Variants in RHOA observed in about 807,000 individuals in gnomAD.
RHOA encodes the protein ras homolog family member A.
Under a neutral mutation model 17.5 loss-of-function variants are expected in RHOA, and 3 were observed. The observed-to-expected ratio is 0.17, with a 90% CI of 0.08 to 0.44. RHOA has a LOEUF of 0.44. Ranked by LOEUF, RHOA falls within the 20% of genes least tolerant of loss-of-function variation. The probability of loss-of-function intolerance (pLI) is 0.99; values close to 1 mark genes in which losing one functional copy is unlikely to be tolerated. For synonymous variants in RHOA, 98 were observed against 88.4 expected, an observed-to-expected ratio of 1.11 and a Z score of -0.61; for missense variants, 56 against 242.3, an observed-to-expected ratio of 0.23 and a Z score of 5.10.
At chr3:49,394,091 C>CA (rs1265296803) in intron 1 of RHOA, among the ~76,000 whole-genome samples, 2 of 152,074 alleles carry the variant, frequency 1.3e-5, no homozygotes, top group Admixed American at 6.6e-5. Flanking sequence ...AGGATGGTCT[C>CA]AATCTCCTGA....
chr3:49,405,732 C>T (rs1297166705), intron 1 of RHOA, among the ~76,000 whole-genome samples: 3 of 152,056 alleles, frequency 2.0e-5, no homozygotes, highest in Admixed American at 1.3e-4. Flanking sequence ...CTCTGTTGCC[C>T]GGGCTGGAGT....
intron 1 of RHOA, among the ~76,000 whole-genome samples, chr3:49,400,168 C>T (rs979782672): frequency 1.6e-4 from 24 of 149,298 alleles, no homozygotes; most frequent in Non-Finnish European, 3.1e-4. Context: ...GCCGAGACCG[C>T]GCCACTGCAC....
chr3:49,368,384 A>G, intron 3 of RHOA, 44 bp downstream of exon 3: 1 of 1,589,656 alleles, frequency 6.3e-7, no homozygotes, highest in Non-Finnish European at 8.6e-7. Flanking sequence ...GATGCCAACT[A>G]GCTACACAGG....
chr3:49,384,717 A>G (rs1434447197), intron 1 of RHOA, among the ~76,000 whole-genome samples: 1 of 152,064 alleles, frequency 6.6e-6, no homozygotes, highest in African/African-American at 2.4e-5. Flanking sequence ...CATGTTGCCC[A>G]GGATGGTCTT....
chr3:49,390,497 C>T (rs531220371), intron 1 of RHOA, among the ~76,000 whole-genome samples: 1 of 152,196 alleles, frequency 6.6e-6, no homozygotes, highest in South Asian at 2.1e-4. Context: ...CTCCTGACCA[C>T]AGGTAATTCG....
At chr3:49,387,851 A>G (rs969784281) in intron 1 of RHOA, among the ~76,000 whole-genome samples, 6 of 152,090 alleles carry the variant, frequency 3.9e-5, no homozygotes, top group African/African-American at 9.7e-5. Flanking sequence ...TACACACCAG[A>G]GGAAGAAATA....
At chr3:49,363,759 G>A (rs1431890059) in intron 3 of RHOA, among the ~76,000 whole-genome samples, 1 of 152,076 alleles carries the variant, frequency 6.6e-6, no homozygotes, top group Non-Finnish European at 1.5e-5. Context: ...GGCTGAGGCA[G>A]AAGAAACACT....
In RHOA at chr3:49,368,707, CTTTTTTT is replaced by C. The variant is rs374609508; in HGVS notation, c.157-166_157-160del. ...GGAGTATTTACATTTTTTCTTTTTT[CTTTTTTT>C]TTTTTTTTTTTGAGATGTAGTCTTG... is the stretch of plus-strand genomic sequence containing the variant. On this transcript the variant is annotated intron_variant, in intron 2 of 4. Coordinates refer to ENST00000418115, the MANE Select transcript of RHOA (RefSeq NM_001664.4). Among the ~76,000 whole-genome samples, 976 of 130,322 alleles carry C rather than the reference CTTTTTTT, an allele frequency of 7.5e-3. 9 individuals are homozygous for C. Among genetic ancestry groups the C allele is most frequent in the African/African-American group, 0.029 (910 of 31,654 alleles). 85.5% of individuals were successfully genotyped at this position (130,322 alleles called of 152,430 possible).
chr3:49,360,191 T>C lies in RHOA; in HGVS notation c.*18A>G, dbSNP rs758614674. 1.9e-6 allele frequency: 3 copies of C among 1,611,184 alleles called. No homozygotes were observed. In the South Asian group the frequency reaches 3.3e-5, roughly 18 times the overall value. ...ACTTCAAAATTAACCGCATAAGGGC[T>C]GTGCTTGCAGCAAGGTTTCACAAGA... On this transcript the variant is annotated 3_prime_UTR_variant, in exon 5 of 5. Transcript: ENST00000418115.
chr3:49,399,032 G>GT (rs1559515524), intron 1 of RHOA, among the ~76,000 whole-genome samples: 1 of 109,034 alleles, frequency 9.2e-6, no homozygotes, highest in African/African-American at 3.5e-5. Flanking sequence ...TCCAGCCTGC[G>GT]TGACAGAGCA....
chr3:49,390,075 G>A (rs577732075), intron 1 of RHOA, among the ~76,000 whole-genome samples: 17 of 151,726 alleles, frequency 1.1e-4, no homozygotes, highest in Admixed American at 2.6e-4. Context: ...GCGGGTCCCC[G>A]TCCATCTATA....
intron 1 of RHOA, 122 bp from the exon 2 acceptor site, chr3:49,375,713 T>G (rs1406954596): frequency 6.2e-6 from 6 of 973,974 alleles, no homozygotes; most frequent in Non-Finnish European, 9.0e-6. Context: ...AATTCAAACT[T>G]CTAGTACGCC....
chr3:49,381,529 C>T lies in RHOA; in HGVS notation c.-2-5938G>A, dbSNP rs557723962. 3.0e-4 allele frequency among the ~76,000 whole-genome samples: 46 copies of T among 151,288 alleles called. 3 individuals are homozygous for T. In the South Asian group the frequency reaches 9.6e-3, roughly 32 times the overall value. Reference sequence around the variant, plus strand: ...GGCGGAGGTTGCAGTGAGCTGAGAACGCGCCACTGCACTCCAGCCTGGGCA... The same window carrying T: ...GGCGGAGGTTGCAGTGAGCTGAGAATGCGCCACTGCACTCCAGCCTGGGCA... On this transcript the variant is annotated intron_variant, in intron 1 of 4. Coordinates refer to ENST00000418115, the MANE Select transcript of RHOA (RefSeq NM_001664.4).
chr3:49,383,172 G>A (rs530238046), intron 1 of RHOA, among the ~76,000 whole-genome samples: 1 of 152,024 alleles, frequency 6.6e-6, no homozygotes, highest in Non-Finnish European at 1.5e-5. Context: ...GGTGGCTCAC[G>A]CCTGTAATTC....
At chr3:49,382,984 G>A (rs2048340937) in intron 1 of RHOA, among the ~76,000 whole-genome samples, 1 of 151,856 alleles carries the variant, frequency 6.6e-6, no homozygotes. Flanking sequence ...AACACAGGAG[G>A]CAAAGGTTGC....
chr3:49,399,214 C>T (rs2048676624), intron 1 of RHOA, among the ~76,000 whole-genome samples: 1 of 151,440 alleles, frequency 6.6e-6, no homozygotes, highest in Non-Finnish European at 1.5e-5. Context: ...CTAAAAACTA[C>T]AAAAACTTAG....
chr3:49,368,997 G>C (rs901939018), intron 2 of RHOA, among the ~76,000 whole-genome samples: 1 of 118,492 alleles, frequency 8.4e-6, no homozygotes, highest in African/African-American at 3.3e-5. Flanking sequence ...GTGACCCACC[G>C]CGCCTGGCCT....
chr3:49,361,520 C>T lies in RHOA; in HGVS notation c.408+976G>A, dbSNP rs201009950. Among the ~76,000 whole-genome samples the T allele has an allele frequency of 9.2e-5, 14 of 152,312 alleles. No homozygotes were observed. The East Asian group carries it at 2.7e-3, about 29-fold the overall frequency. On this transcript the variant is annotated intron_variant, in intron 4 of 4. Coordinates refer to ENST00000418115, the MANE Select transcript of RHOA (RefSeq NM_001664.4). ...CTCCCAGCCTTCAAGATTTCCTTAT[C>T]TTTCAGTTGCCACTAATTTATCTTT...
intron 1 of RHOA, among the ~76,000 whole-genome samples, chr3:49,395,777 T>C (rs1042569411): frequency 4.6e-5 from 7 of 151,858 alleles, no homozygotes; most frequent in Non-Finnish European, 5.9e-5. Flanking sequence ...AGTGGTTAAC[T>C]GGATAGGGAT....
Sources: gnomAD v4.1 joint callset for allele counts (sites outside exome capture counted in the v4.1 genomes callset) on GRCh38, gnomAD v4.1.1 for gene constraint, MANE v1.5 for transcripts, NCBI Gene and HGNC (gene_info 2026-07-23, HGNC 2026-07-21) for gene names.